BMPER: variants seen among roughly 807,000 people sequenced by gnomAD.
BMPER encodes the protein BMP binding endothelial regulator.
In BMPER, 45 loss-of-function variants were observed where a neutral mutation model predicts 87.3. The ratio of observed to expected loss-of-function variants is 0.52; its 90% CI spans 0.41 to 0.66. The LOEUF (loss-of-function observed/expected upper bound fraction) is 0.66, where lower values mean the gene tolerates loss of function less well. BMPER is among the 30% of genes least tolerant of loss of function. The pLI is 0.00. For missense variants in BMPER, 784 were observed against 867.5 expected, an observed-to-expected ratio of 0.90 and a Z score of 1.21; for synonymous variants, 326 against 316.2, an observed-to-expected ratio of 1.03 and a Z score of -0.33.
chr7:33,989,229 C>G (rs1191626721), intron 6 of BMPER, among the ~76,000 whole-genome samples: 5 of 142,738 alleles, frequency 3.5e-5, no homozygotes, highest in African/African-American at 8.2e-5. Flanking sequence ...TACAGTCCCA[C>G]CAACAGTGTA....
At chr7:34,075,462 C>T (rs575263075) in intron 11 of BMPER, among the ~76,000 whole-genome samples, 10 of 152,202 alleles carry the variant, frequency 6.6e-5, no homozygotes, top group African/African-American at 2.4e-4. Flanking sequence ...TTTTTTACCC[C>T]CCTTTACCTG....
At chr7:34,152,570 C>A (rs1216297457) in intron 14 of BMPER, among the ~76,000 whole-genome samples, 2 of 152,176 alleles carry the variant, frequency 1.3e-5, no homozygotes, top group Admixed American at 6.5e-5. Context: ...ATTTGGCTTA[C>A]CCCAGTCTTG....
chr7:34,092,238 G>C (rs1365887666), intron 13 of BMPER, among the ~76,000 whole-genome samples: 3 of 152,134 alleles, frequency 2.0e-5, no homozygotes, highest in Non-Finnish European at 4.4e-5. Flanking sequence ...ACTTCTTATT[G>C]CACAAGTCTA....
At chr7:33,958,633 A>G (rs1229887721) in intron 3 of BMPER, among the ~76,000 whole-genome samples, 1 of 152,180 alleles carries the variant, frequency 6.6e-6, no homozygotes, top group Non-Finnish European at 1.5e-5. Flanking sequence ...GTCTAGCACA[A>G]CTCAAATAGT....
At chr7:33,933,241 C>G (rs533623651) in intron 2 of BMPER, among the ~76,000 whole-genome samples, 3 of 152,216 alleles carry the variant, frequency 2.0e-5, no homozygotes, top group African/African-American at 7.2e-5. Context: ...TAATGTGCCT[C>G]CAGAGGCTAC....
intron 13 of BMPER, among the ~76,000 whole-genome samples, chr7:34,141,910 C>T (rs10232170): frequency 0.76 from 115,637 of 152,046 alleles, 44,411 homozygotes; most frequent in East Asian, 0.91. Context: ...GACAGTGTGT[C>T]GATTTTATAC....
chr7:34,036,853 G>A (rs1025128926), intron 6 of BMPER, among the ~76,000 whole-genome samples: 2 of 152,080 alleles, frequency 1.3e-5, no homozygotes, highest in African/African-American at 4.8e-5. Context: ...TTGGTGGAAG[G>A]AGAAGAATTT....
At chr7:33,949,084 A>G (rs1213322887) in intron 3 of BMPER, among the ~76,000 whole-genome samples, 2 of 152,212 alleles carry the variant, frequency 1.3e-5, no homozygotes, top group Admixed American at 6.5e-5. Context: ...GACTGACAAC[A>G]TGTAGCTTAG....
At chr7:33,997,738 C>G (rs1786457002) in intron 6 of BMPER, among the ~76,000 whole-genome samples, 1 of 152,174 alleles carries the variant, frequency 6.6e-6, no homozygotes, top group Non-Finnish European at 1.5e-5. Context: ...CAGACACGTT[C>G]TCACCTCAGT....
At chr7:34,124,125 A>G (rs1028051874) in intron 13 of BMPER, among the ~76,000 whole-genome samples, 1 of 152,178 alleles carries the variant, frequency 6.6e-6, no homozygotes, top group Middle Eastern at 3.4e-3. Context: ...CCTGGGTTGC[A>G]TTAGCAACCA....
chr7:34,115,656 A>G (rs1790100127), intron 13 of BMPER, among the ~76,000 whole-genome samples: 2 of 152,232 alleles, frequency 1.3e-5, no homozygotes, highest in South Asian at 2.1e-4. Flanking sequence ...ATATTGTAGC[A>G]TGTATCAGTA....
intron 13 of BMPER, among the ~76,000 whole-genome samples, chr7:34,111,759 G>A (rs6971808): frequency 0.75 from 114,429 of 151,854 alleles, 43,889 homozygotes; most frequent in East Asian, 0.95. Flanking sequence ...TATTGCCCAG[G>A]CTGGAGTGCA....
chr7:33,954,249 T>C (rs752118214), intron 3 of BMPER, among the ~76,000 whole-genome samples: 6 of 152,204 alleles, frequency 3.9e-5, no homozygotes, highest in Non-Finnish European at 7.3e-5. Flanking sequence ...TATGCTTAAG[T>C]ATTTTTATCT....
At chr7:33,924,724 A>G (rs1249348482) in intron 2 of BMPER, among the ~76,000 whole-genome samples, 2 of 152,122 alleles carry the variant, frequency 1.3e-5, no homozygotes, top group Non-Finnish European at 2.9e-5. Flanking sequence ...CTGGAGTGCA[A>G]TGGCGCAATC....
intron 6 of BMPER, among the ~76,000 whole-genome samples, chr7:34,026,204 A>G (rs936702653): frequency 1.3e-5 from 2 of 151,906 alleles, no homozygotes; most frequent in African/African-American, 4.8e-5. Context: ...AGCTAGGTTT[A>G]GGTTGTGGCT....
intron 3 of BMPER, among the ~76,000 whole-genome samples, chr7:33,948,498 T>C (rs1485015249): frequency 6.6e-6 from 1 of 152,204 alleles, no homozygotes; most frequent in East Asian, 1.9e-4. Context: ...TTTGTCTCTG[T>C]GTCCCCACCC....
intron 7 of BMPER, among the ~76,000 whole-genome samples, chr7:34,051,141 C>T (rs1788137918): frequency 6.6e-6 from 1 of 152,124 alleles, no homozygotes; most frequent in Non-Finnish European, 1.5e-5. Flanking sequence ...AGGGTTCTCT[C>T]TGGAGCCTCT....
At chr7:33,939,506 G>A (rs1210373529) in intron 3 of BMPER, among the ~76,000 whole-genome samples, 3 of 152,160 alleles carry the variant, frequency 2.0e-5, no homozygotes, top group African/African-American at 7.2e-5. Context: ...AGGGACTCCT[G>A]AATGGGTGAT....
intron 9 of BMPER, among the ~76,000 whole-genome samples, chr7:34,056,735 A>G (rs890232679): frequency 3.3e-5 from 5 of 151,560 alleles, no homozygotes; most frequent in Admixed American, 6.6e-5. Flanking sequence ...CTCCTGCCTC[A>G]GACTCCTGAG....
Sources: allele counts gnomAD v4.1 joint callset (sites outside exome capture counted in the v4.1 genomes callset), GRCh38; gene constraint gnomAD v4.1.1; transcripts MANE v1.5; gene names NCBI Gene and HGNC (gene_info 2026-07-23, HGNC 2026-07-21).